The following ZNF536 variants were observed in gnomAD, a reference collection of about 807,000 sequenced individuals.
The protein encoded by ZNF536 is zinc finger protein 536.
In ZNF536, 13 loss-of-function variants were observed where a neutral mutation model predicts 84.5. That is an observed-to-expected ratio of 0.15 (90% CI 0.10 to 0.24). ZNF536 has a LOEUF of 0.24. ZNF536 is among the 10% of genes least tolerant of loss of function. ZNF536 has a pLI of 1.00. For synonymous variants in ZNF536, 811 were observed against 742.5 expected (o/e 1.09, Z -1.50); for missense variants, 1,536 against 1,747.5 (o/e 0.88, Z 2.16).
intron 1 of ZNF536, among the ~76,000 whole-genome samples, chr19:30,259,639 A>G (rs1296105717): frequency 1.3e-5 from 2 of 152,174 alleles, no homozygotes; most frequent in South Asian, 2.1e-4. Flanking sequence ...AGAACTTTCC[A>G]TCATCTCCTA....
intron 3 of ZNF536, among the ~76,000 whole-genome samples, chr19:30,542,251 A>T (rs1166382404): frequency 6.6e-6 from 1 of 152,188 alleles, no homozygotes; most frequent in Non-Finnish European, 1.5e-5. Flanking sequence ...AACTCCCTGG[A>T]ACAGTGAGGG....
intron 1 of ZNF536, among the ~76,000 whole-genome samples, chr19:30,632,655 C>CAACCAACCAACCAACCAATCAACCAACA (rs2048933830): frequency 9.1e-4 from 1 of 1,098 alleles, no homozygotes; most frequent in Admixed American, 0.018. Flanking sequence ...ACCAACAAAC[C>CAACCAACCAACCAACCAATCAACCAACA]AACCAACCAA....
rs1555743242 is a variant in ZNF536 at position 30,398,400 on chromosome 19, T to TTA, written c.-3+25844_-3+25845insTA. Among the ~76,000 whole-genome samples, 25 of 151,614 alleles carry TTA rather than the reference T, an allele frequency of 1.6e-4. 1 individual carries two copies. The highest frequency in any genetic ancestry group is 4.2e-4 in the South Asian group (2 of 4,792). ...GCTTTTTCTTTTTCTTTTTTTTTTT[T>TTA]AAATTATAGTTTAAGTTATAGGGTA... On this transcript the variant is annotated intron_variant, in intron 1 of 4. Transcript: ENST00000355537.
intron 2 of ZNF536, among the ~76,000 whole-genome samples, chr19:30,289,142 G>C (rs1426176005): frequency 6.6e-6 from 1 of 152,144 alleles, no homozygotes; most frequent in Non-Finnish European, 1.5e-5. Context: ...TGGATGCCAC[G>C]TGGTCATGGT....
intron 1 of ZNF536, among the ~76,000 whole-genome samples, chr19:30,655,180 G>A (rs1455617993): frequency 1.3e-5 from 2 of 152,288 alleles, no homozygotes; most frequent in South Asian, 2.1e-4. Flanking sequence ...ATTTCTACAT[G>A]TTCTCCCATT....
chr19:30,627,384 T>C (rs1321980028), intron 1 of ZNF536, among the ~76,000 whole-genome samples: 1 of 140,170 alleles, frequency 7.1e-6, no homozygotes, highest in Non-Finnish European at 1.5e-5. Flanking sequence ...GGGAAGAGGA[T>C]CACTTGAGCC....
At chr19:30,514,283 C>G (rs750066959) in intron 2 of ZNF536, among the ~76,000 whole-genome samples, 1 of 152,110 alleles carries the variant, frequency 6.6e-6, no homozygotes, top group Non-Finnish European at 1.5e-5. Context: ...TACTCCCACC[C>G]TCAAAAAAAT....
At chr19:30,309,583 C>T (rs1470968071) in intron 2 of ZNF536, among the ~76,000 whole-genome samples, 1 of 152,166 alleles carries the variant, frequency 6.6e-6, no homozygotes. Context: ...TAGTGTTTTA[C>T]CATTTGATTA....
chr19:30,476,302 T>A (rs1228671039), intron 2 of ZNF536, among the ~76,000 whole-genome samples: 1 of 152,234 alleles, frequency 6.6e-6, no homozygotes, highest in Non-Finnish European at 1.5e-5. Flanking sequence ...ATCCGTGGAC[T>A]CTGGCCATTA....
chr19:30,259,874 C>G (rs965922379), intron 1 of ZNF536, among the ~76,000 whole-genome samples: 1 of 151,946 alleles, frequency 6.6e-6, no homozygotes, highest in Non-Finnish European at 1.5e-5. Flanking sequence ...GCCTCAGGCT[C>G]CTCTATATCT....
chr19:30,577,058 T>C (rs1488029066), intron 1 of ZNF536, among the ~76,000 whole-genome samples: 8 of 152,376 alleles, frequency 5.3e-5, no homozygotes, highest in Middle Eastern at 3.4e-3. Flanking sequence ...TCTTGAAAAG[T>C]AGCTTTTTGA....
chr19:30,445,853 G>T lies in ZNF536; in HGVS notation c.2170+121G>T. ...CAGTGGGTCTTGATTGAGGACAGGG[G>T]TGGGTTGGACACTGGGCCATGCCTT... On this transcript the variant is annotated intron_variant, in intron 2 of 4. Transcript: ENST00000355537. The surrounding 1 kb of genome is among the most constrained non-coding windows in gnomAD (Gnocchi z 4.5). 5 of 1,373,266 alleles carry T rather than the reference G, an allele frequency of 3.6e-6. No individual in the cohort carries two copies. The highest frequency in any genetic ancestry group is 2.9e-5 in the Admixed American group (1 of 34,436). 85.1% of individuals were successfully genotyped at this position (1,373,266 alleles called of 1,614,324 possible).
chr19:30,648,907 A>G (rs772029893), intron 1 of ZNF536, among the ~76,000 whole-genome samples: 10 of 152,202 alleles, frequency 6.6e-5, no homozygotes, highest in Non-Finnish European at 5.9e-5. Flanking sequence ...GGAAGTGCTG[A>G]TGATAAACGG....
intron 1 of ZNF536, among the ~76,000 whole-genome samples, chr19:30,407,556 A>G (rs1242910185): frequency 6.6e-6 from 1 of 152,082 alleles, no homozygotes; most frequent in Non-Finnish European, 1.5e-5. Flanking sequence ...GGCCTCACGA[A>G]CTTCTGACCA....
At chr19:30,401,462 G>T (rs1166102553) in intron 1 of ZNF536, among the ~76,000 whole-genome samples, 2 of 152,056 alleles carry the variant, frequency 1.3e-5, no homozygotes, top group East Asian at 3.9e-4. Context: ...CACCACCCCA[G>T]TGGGGTTTGC....
chr19:30,566,412 T>A (rs1022370651), intron 1 of ZNF536, among the ~76,000 whole-genome samples: 13 of 152,250 alleles, frequency 8.5e-5, no homozygotes, highest in Non-Finnish European at 1.9e-4. Flanking sequence ...CTGTGGCAAG[T>A]CCTGTTCTAA....
downstream of ZNF536, among the ~76,000 whole-genome samples, chr19:30,559,109 A>C (rs1426479508): frequency 6.6e-6 from 1 of 152,212 alleles, no homozygotes; most frequent in African/African-American, 2.4e-5. Flanking sequence ...AAAGAGGTAA[A>C]AAGTGAGAGA....
intron 2 of ZNF536, among the ~76,000 whole-genome samples, chr19:30,299,136 C>A (rs2046099740): frequency 6.6e-6 from 1 of 152,146 alleles, no homozygotes; most frequent in Non-Finnish European, 1.5e-5. Context: ...ATTTTAATCA[C>A]CTTGGATGCT....
chr19:30,429,207 C>T (rs2051342782), intron 1 of ZNF536, among the ~76,000 whole-genome samples: 1 of 152,138 alleles, frequency 6.6e-6, no homozygotes, highest in Admixed American at 6.5e-5. Flanking sequence ...GGAGAGGAGT[C>T]ATTAATTCAG....
Sources: allele counts gnomAD v4.1 joint callset (sites outside exome capture counted in the v4.1 genomes callset), GRCh38; gene constraint gnomAD v4.1.1; non-coding constraint Gnocchi (gnomAD v3.1); transcripts MANE v1.5; gene names NCBI Gene and HGNC (gene_info 2026-07-23, HGNC 2026-07-21).